Variants in ADGB observed in about 807,000 individuals in gnomAD.
The protein encoded by ADGB is calpain-7-like protein.
A neutral mutation model predicts 210.5 loss-of-function variants in ADGB; 172 were observed. The observed-to-expected ratio is 0.82, with a 90% CI of 0.72 to 0.93. The LOEUF is 0.93. Among genes scored for constraint, ADGB ranks in the 40% least tolerant of loss-of-function variants. ADGB has a pLI of 0.00. For missense variants in ADGB, 2,025 were observed against 1,964.8 expected (o/e 1.03, Z -0.58); for synonymous variants, 658 against 662.7 (o/e 0.99, Z 0.11).
At chr6:146,670,054 T>C (rs1250750610) in intron 7 of ADGB, among the ~76,000 whole-genome samples, 1 of 152,098 alleles carries the variant, frequency 6.6e-6, no homozygotes, top group African/African-American at 2.4e-5. Flanking sequence ...AACAGTACAT[T>C]CTCTACTTAC....
At chr6:146,786,523 T>C (rs1423952330) in intron 32 of ADGB, among the ~76,000 whole-genome samples, 1 of 152,222 alleles carries the variant, frequency 6.6e-6, no homozygotes, top group Non-Finnish European at 1.5e-5. Context: ...ACCATCCTAA[T>C]TCTGTTATCC....
rs1014612475 is a variant in ADGB at position 146,740,485 on chromosome 6, C to T, written c.2915C>T (p.Ser972Phe). Residue 972 changes from serine to phenylalanine, a missense_variant, in exon 24 of 36, where the codon TCT (serine) becomes TTT (phenylalanine). Transcript: ENST00000397944. ...LRLMFKSKCK[S>F]LESYPCYQDE... is the part of the protein sequence containing the mutation. Reference sequence around the variant, plus strand: ...CTAATGTTTAAAAGCAAGTGCAAGTCTTTGGAATCTTATCCATGCTATCAA... The same window carrying T: ...CTAATGTTTAAAAGCAAGTGCAAGTTTTTGGAATCTTATCCATGCTATCAA... The T allele has an allele frequency of 6.5e-7, 1 of 1,546,856 alleles. No individual in the cohort carries two copies. Among genetic ancestry groups the T allele is most frequent in the Non-Finnish European group, 8.7e-7 (1 of 1,143,992 alleles).
At chr6:146,649,955 T>C (rs1216891060) in intron 3 of ADGB, among the ~76,000 whole-genome samples, 3 of 152,118 alleles carry the variant, frequency 2.0e-5, no homozygotes, top group Non-Finnish European at 1.5e-5. Context: ...CCTAAACATA[T>C]CTAAACGTGT....
chr6:146,745,693 G>A (rs1455042555), intron 25 of ADGB, among the ~76,000 whole-genome samples: 1 of 152,066 alleles, frequency 6.6e-6, no homozygotes, highest in Non-Finnish European at 1.5e-5. Context: ...TATAGTTAAG[G>A]AACCACACAA....
At chr6:146,677,149 A>G (rs1199140274) in intron 9 of ADGB, among the ~76,000 whole-genome samples, 1 of 152,164 alleles carries the variant, frequency 6.6e-6, no homozygotes, top group Admixed American at 6.6e-5. Flanking sequence ...CAGCTAAAAC[A>G]GTCTAGGTAT....
rs944717191 is a variant in ADGB, at chr6:146,716,320, G to A, written c.1742-563G>A. The stretch of plus-strand genomic sequence containing the variant: ...TAAAGAATCTGTGAGGGCCGGGCGC[G>A]GTGGCTCACGCCTGTAATCCCAGCA... On this transcript the variant is annotated intron_variant, in intron 14 of 35. Coordinates refer to ENST00000397944, the MANE Select transcript of ADGB (RefSeq NM_024694.4). Among the ~76,000 whole-genome samples, 30 of 128,400 alleles carry A rather than the reference G, an allele frequency of 2.3e-4. 10 individuals carry two copies. Among genetic ancestry groups the A allele is most frequent in the African/African-American group, 1.5e-3 (30 of 19,652 alleles). The allele number at this position is 128,400 out of a possible 152,430, so 84.2% of individuals were successfully genotyped here.
chr6:146,803,067 C>A, intron 35 of ADGB: 1 of 1,550,408 alleles, frequency 6.4e-7, no homozygotes, highest in Non-Finnish European at 8.9e-7. Context: ...TACACAGCAG[C>A]CAAGTGAGAT....
chr6:146,749,045 C>T (rs1007145323), intron 26 of ADGB, among the ~76,000 whole-genome samples: 1 of 152,106 alleles, frequency 6.6e-6, no homozygotes, highest in Non-Finnish European at 1.5e-5. Context: ...TAGGCGGGGA[C>T]ACAATTCAAC....
Position 146,764,000 on chromosome 6 carries a change from G to A in ADGB, c.3650G>A (p.Gly1217Asp). 3 of 1,551,484 alleles carry A rather than the reference G, an allele frequency of 1.9e-6. No individual in the cohort carries two copies. The highest frequency in any genetic ancestry group is 2.6e-6 in the Non-Finnish European group (3 of 1,146,870). Residue 1217 changes from glycine (G) to aspartate (D), a missense_variant, in exon 28 of 36, where the codon GGT (glycine) becomes GAT (aspartate). By Grantham distance (94) the Gly-to-Asp change is moderately conservative. Coordinates refer to ENST00000397944, the MANE Select transcript of ADGB (RefSeq NM_024694.4). Reference protein sequence around the residue: ...AAQGIQKSPKGRAVSAIQDIG... With the variant: ...AAQGIQKSPKDRAVSAIQDIG... Reference sequence around the variant, plus strand: ...CAGGGAATTCAGAAATCCCCCAAGGGTAGAGCTGTAAGTGCAATACAAGAC... The same window carrying A: ...CAGGGAATTCAGAAATCCCCCAAGGATAGAGCTGTAAGTGCAATACAAGAC...
rs1345042911 is a variant in ADGB at position 146,622,175 on chromosome 6, A to T, written c.75-13200A>T. Among the ~76,000 whole-genome samples, 27 of 152,234 alleles carry T rather than the reference A, an allele frequency of 1.8e-4. No homozygotes were observed. In the East Asian group the frequency reaches 5.2e-3, roughly 29 times the overall value. On this transcript the variant is annotated intron_variant, in intron 1 of 35. Transcript: ENST00000397944. ...CCTATTCATGTGTTTATTTGCCATT[A>T]GTATTAGTTTTCTATGGCTGTAAAA...
chr6:146,799,707 G>A (rs1562304511), intron 33 of ADGB, among the ~76,000 whole-genome samples: 1 of 151,960 alleles, frequency 6.6e-6, no homozygotes, highest in South Asian at 2.1e-4. Context: ...AATAATGGGG[G>A]AGGCTACAAT....
intron 17 of ADGB, among the ~76,000 whole-genome samples, chr6:146,721,787 G>A (rs948379328): frequency 4.6e-5 from 7 of 152,094 alleles, no homozygotes; most frequent in African/African-American, 1.2e-4. Flanking sequence ...GCAGTGAGCC[G>A]AGATCGCGCC....
chr6:146,717,188 C>T, intron 15 of ADGB, 119 bp downstream of exon 15: 1 of 807,788 alleles, frequency 1.2e-6, no homozygotes, highest in Non-Finnish European at 1.9e-6. Flanking sequence ...GTTATATAAC[C>T]TATTAATTCT....
chr6:146,749,440 AG>A (rs1476058870), intron 26 of ADGB, among the ~76,000 whole-genome samples: 1 of 152,200 alleles, frequency 6.6e-6, no homozygotes, highest in Non-Finnish European at 1.5e-5. Context: ...ATGGAAGCAA[AG>A]CAGCCCCCAA....
At chr6:146,721,769 C>T (rs938010699) in intron 17 of ADGB, among the ~76,000 whole-genome samples, 14 of 152,066 alleles carry the variant, frequency 9.2e-5, no homozygotes, top group Admixed American at 8.5e-4. Context: ...ACCCAGGAGG[C>T]GGAGGTTGCA....
intron 1 of ADGB, among the ~76,000 whole-genome samples, chr6:146,599,754 A>G (rs1442709643): frequency 6.6e-6 from 1 of 152,068 alleles, no homozygotes; most frequent in African/African-American, 2.4e-5. Flanking sequence ...GTACTTCCCC[A>G]TGATTATTAT....
intron 9 of ADGB, among the ~76,000 whole-genome samples, chr6:146,677,558 AT>A (rs1776102619): frequency 6.6e-6 from 1 of 152,112 alleles, no homozygotes; most frequent in African/African-American, 2.4e-5. Context: ...CTTAAGCAAT[AT>A]TTTTTGATAG....
chr6:146,720,112 T>C (rs1389138233), intron 16 of ADGB, among the ~76,000 whole-genome samples: 1 of 152,172 alleles, frequency 6.6e-6, no homozygotes, highest in African/African-American at 2.4e-5. Context: ...TATAGTATAA[T>C]TCAATTAAGT....
In ADGB at chr6:146,782,059, G is replaced by A; in HGVS notation, c.3902G>A (p.Ser1301Asn). Reference protein sequence around the residue: ...ERHEELINLGSPDSHTISEGQ... With the variant: ...ERHEELINLGNPDSHTISEGQ... ...CACGAGGAGTTAATTAACTTAGGAA[G>A]CCCAGACTCCCACACTATTAGTGAG... is the stretch of plus-strand genomic sequence containing the variant. The change falls in exon 30 of 36, where the codon AGC becomes AAC. Residue 1301 changes from serine to asparagine, a missense_variant. Coordinates refer to ENST00000397944, the MANE Select transcript of ADGB (RefSeq NM_024694.4). 6.6e-7 allele frequency: 1 copy of A among 1,521,324 alleles called. No individual in the cohort carries two copies. The highest frequency in any genetic ancestry group is 1.3e-5 in the South Asian group (1 of 76,344). 94.2% of individuals were successfully genotyped at this position (1,521,324 alleles called of 1,614,324 possible). A position where few individuals can be genotyped will look rare whatever the true frequency, so the allele number is the denominator to read the frequency against.
Sources: gnomAD v4.1 joint callset for allele counts (sites outside exome capture counted in the v4.1 genomes callset) on GRCh38, gnomAD v4.1.1 for gene constraint, MANE v1.5 for transcripts, NCBI Gene and HGNC (gene_info 2026-07-23, HGNC 2026-07-21) for gene names.